FMNL2: variants seen among roughly 807,000 people sequenced by gnomAD.
FMNL2 encodes the protein formin-like protein 2.
A neutral mutation model predicts 130.2 loss-of-function variants in FMNL2; 51 were observed. The observed-to-expected ratio is 0.39, with a 90% CI of 0.31 to 0.49. The LOEUF is 0.49. FMNL2 is among the 20% of genes least tolerant of loss of function. The pLI is 0.85. For synonymous variants in FMNL2, 465 were observed against 467.1 expected (o/e 1.00, Z 0.06); for missense variants, 977 against 1,316.2 (o/e 0.74, Z 3.99).
intron 9 of FMNL2, among the ~76,000 whole-genome samples, chr2:152,589,906 A>C (rs1697291351): frequency 7.1e-6 from 1 of 141,412 alleles, no homozygotes; most frequent in Non-Finnish European, 1.5e-5. Flanking sequence ...AGTAGCTGGG[A>C]CTACAGGCAT....
At chr2:152,563,103 C>T (rs1485006629) in intron 6 of FMNL2, among the ~76,000 whole-genome samples, 1 of 152,140 alleles carries the variant, frequency 6.6e-6, no homozygotes, top group African/African-American at 2.4e-5. Flanking sequence ...ACATCCAAGG[C>T]CAGCCTGTTT....
rs115397013 is a variant in FMNL2, at chr2:152,360,281, T to G, written c.117+24561T>G. On this transcript the variant is annotated intron_variant, in intron 1 of 25. Transcript: ENST00000288670. Reference sequence around the variant, plus strand: ...TTGTTTCTCCATTTTTTAGAATCAGTTGCTTCTTTTTCTTTTTTCCTCTCT... The same window carrying G: ...TTGTTTCTCCATTTTTTAGAATCAGGTGCTTCTTTTTCTTTTTTCCTCTCT... Among the ~76,000 whole-genome samples the G allele has an allele frequency of 2.6e-3, 397 of 152,250 alleles. 1 individual carries two copies. Among genetic ancestry groups the G allele is most frequent in the African/African-American group, 9.3e-3 (386 of 41,552 alleles).
chr2:152,492,820 T>C (rs1182324084), intron 1 of FMNL2, among the ~76,000 whole-genome samples: 2 of 152,336 alleles, frequency 1.3e-5, no homozygotes, highest in East Asian at 3.9e-4. Flanking sequence ...AAATTTGTTT[T>C]AACAAAGAGG....
chr2:152,621,311 A>T (rs1414954125), intron 15 of FMNL2, among the ~76,000 whole-genome samples: 1 of 152,172 alleles, frequency 6.6e-6, no homozygotes, highest in Non-Finnish European at 1.5e-5. Context: ...GCCTTAGCCG[A>T]GTGAGAGCCC....
At chr2:152,371,443 G>A (rs1683870689) in intron 1 of FMNL2, among the ~76,000 whole-genome samples, 1 of 152,074 alleles carries the variant, frequency 6.6e-6, no homozygotes. Flanking sequence ...GGCTGAGGCG[G>A]GCGGATCATG....
Position 152,626,761 on chromosome 2 carries a change from A to T in FMNL2, c.2165+34A>T, listed in dbSNP as rs2105920739. 13 of 1,541,160 alleles carry T rather than the reference A, an allele frequency of 8.4e-6. No individual in the cohort carries two copies. The Middle Eastern group carries it at 6.8e-4, about 81-fold the overall frequency. The stretch of plus-strand genomic sequence containing the variant: ...AGGAAAATTATATTCTAGTTAGTTT[A>T]TGATAAAATGAAAATGAGAAAGTTA... On this transcript the variant is annotated intron_variant, in intron 17 of 25. Coordinates refer to ENST00000288670, the MANE Select transcript of FMNL2 (RefSeq NM_052905.4).
At chr2:152,375,150 C>A (rs1023980442) in intron 1 of FMNL2, among the ~76,000 whole-genome samples, 64 of 152,340 alleles carry the variant, frequency 4.2e-4, no homozygotes, top group African/African-American at 1.5e-3. Flanking sequence ...TTACTTTTAG[C>A]ACCTAAGAAT....
intron 1 of FMNL2, among the ~76,000 whole-genome samples, chr2:152,351,500 C>T (rs1444711602): frequency 1.3e-5 from 2 of 152,104 alleles, no homozygotes; most frequent in African/African-American, 4.8e-5. Context: ...TGGTTTTCAG[C>T]TTCATCCATG....
At chr2:152,608,144 C>A (rs867129168) in intron 10 of FMNL2, among the ~76,000 whole-genome samples, 1 of 152,016 alleles carries the variant, frequency 6.6e-6, no homozygotes. Context: ...GATCTGTAGG[C>A]GTTGACCCAA....
intron 1 of FMNL2, among the ~76,000 whole-genome samples, chr2:152,519,907 TAATGCATAATTATAGCTGGGGTGCTAA>T (rs1692989933): frequency 6.6e-6 from 1 of 152,216 alleles, no homozygotes; most frequent in Non-Finnish European, 1.5e-5. Context: ...TGTTCTTACT[TAATGCATAATTATAGCTGGGGTGCTAA>T]CATGAAGGTC....
At chr2:152,473,011 T>C (rs1689942815) in intron 1 of FMNL2, among the ~76,000 whole-genome samples, 1 of 152,208 alleles carries the variant, frequency 6.6e-6, no homozygotes, top group African/African-American at 2.4e-5. Context: ...GAGGTCCACC[T>C]TGAATTACAG....
intron 1 of FMNL2, among the ~76,000 whole-genome samples, chr2:152,507,531 C>G (rs1443711722): frequency 6.6e-6 from 1 of 152,136 alleles, no homozygotes; most frequent in East Asian, 1.9e-4. Flanking sequence ...TCCTGAAATC[C>G]GCTTGGAGTA....
rs554427883 is a variant in FMNL2, at chr2:152,525,862, CTT to C, written c.201+3837_201+3838del. Among the ~76,000 whole-genome samples the C allele has an allele frequency of 4.6e-5, 7 of 152,100 alleles. 1 individual carries two copies. The highest frequency in any genetic ancestry group is 1.3e-4 in the Admixed American group (2 of 15,280). On this transcript the variant is annotated intron_variant, in intron 2 of 25. Transcript: ENST00000288670. ...TTACTCTCATTGTGAGAGGTGATCT[CTT>C]GTCTTTTTCAACACAGCTGACCCAT...
intron 1 of FMNL2, among the ~76,000 whole-genome samples, chr2:152,348,184 A>G (rs768750550): frequency 6.6e-5 from 10 of 152,216 alleles, no homozygotes; most frequent in Non-Finnish European, 1.0e-4. Flanking sequence ...GGTATGAATT[A>G]TCTCTTACTC....
intron 9 of FMNL2, among the ~76,000 whole-genome samples, chr2:152,594,034 G>A (rs1054229052): frequency 2.6e-5 from 4 of 152,124 alleles, no homozygotes; most frequent in African/African-American, 9.7e-5. Context: ...GTTAGAATGG[G>A]CTAGAAGGAT....
chr2:152,633,353 C>T (rs1361711836), intron 21 of FMNL2, among the ~76,000 whole-genome samples: 1 of 152,176 alleles, frequency 6.6e-6, no homozygotes, highest in African/African-American at 2.4e-5. Flanking sequence ...GCCTCAGCCT[C>T]CTAAAGTGCT....
intron 15 of FMNL2, among the ~76,000 whole-genome samples, chr2:152,621,330 A>G (rs537092089): frequency 4.4e-4 from 67 of 152,308 alleles, no homozygotes; most frequent in African/African-American, 1.6e-3. Context: ...CCAGAGGCTG[A>G]GATGTGTCTA....
At chr2:152,461,063 G>GACCAGAAA (rs1311589914) in intron 1 of FMNL2, among the ~76,000 whole-genome samples, 30 of 152,088 alleles carry the variant, frequency 2.0e-4, no homozygotes, top group Non-Finnish European at 3.8e-4. Flanking sequence ...GAAAGGTTGG[G>GACCAGAAA]GGCTGCTGCT....
chr2:152,578,467 A>G (rs1696594821), intron 7 of FMNL2, among the ~76,000 whole-genome samples: 1 of 152,204 alleles, frequency 6.6e-6, no homozygotes, highest in Admixed American at 6.5e-5. Context: ...GGGGAGTTTA[A>G]GGAGCGGCCA....
Sources: allele counts gnomAD v4.1 joint callset (sites outside exome capture counted in the v4.1 genomes callset), GRCh38; gene constraint gnomAD v4.1.1; transcripts MANE v1.5; gene names NCBI Gene and HGNC (gene_info 2026-07-23, HGNC 2026-07-21).